The following CACNB3 variants were observed in gnomAD, a reference collection of about 807,000 sequenced individuals.
CACNB3 encodes voltage-dependent L-type calcium channel subunit beta-3.
Under a neutral mutation model 63.7 loss-of-function variants are expected in CACNB3, and 36 were observed. The ratio of observed to expected loss-of-function variants is 0.57; its 90% CI spans 0.43 to 0.75. The LOEUF is 0.75. Ranked by LOEUF, CACNB3 falls within the 30% of genes least tolerant of loss-of-function variation. The pLI is 0.00. For missense variants in CACNB3, 493 were observed against 648.6 expected, an observed-to-expected ratio of 0.76 and a Z score of 2.61; for synonymous variants, 241 against 250.6, an observed-to-expected ratio of 0.96 and a Z score of 0.36.
Position 48,825,123 on chromosome 12 carries a change from C to G in CACNB3, c.493-40C>G. 1 of 1,606,882 alleles carries G rather than the reference C, an allele frequency of 6.2e-7. No homozygotes were observed. The highest frequency in any genetic ancestry group is 1.3e-5 in the African/African-American group (1 of 74,870). On this transcript the variant is annotated intron_variant, in intron 6 of 12. Coordinates refer to ENST00000301050, the MANE Select transcript of CACNB3 (RefSeq NM_000725.4). This position sits in a 1 kb window ranked among gnomAD's most constrained non-coding sequence, Gnocchi z 4.5. ...CGCCAACCAGGCATGAGACAGGCAC[C>G]AGGGCCATGGTTTCTACTGACCTCA...
Position 48,828,153 on chromosome 12 carries a change from C to G in CACNB3, c.*254C>G. ...GCTGTGTGTTCTGCACCCCTGGCAC[C>G]TTCCTCTCCTCCCACACAGGAAGCT... On this transcript the variant is annotated 3_prime_UTR_variant, in exon 13 of 13. Coordinates refer to ENST00000301050, the MANE Select transcript of CACNB3 (RefSeq NM_000725.4). 1.8e-6 allele frequency: 1 copy of G among 551,500 alleles called. No individual in the cohort carries two copies. Among genetic ancestry groups the G allele is most frequent in the Non-Finnish European group, 3.3e-6 (1 of 305,904 alleles). 34.2% of individuals were successfully genotyped at this position (551,500 alleles called of 1,614,324 possible).
chr12:48,828,750 G>C lies in CACNB3; in HGVS notation c.*851G>C. Reference sequence around the variant, plus strand: ...GTCCCTCATACATCTTTGGAGAACCGGGCTCCAGACTTTGTTCCCTGACTC... The same window carrying C: ...GTCCCTCATACATCTTTGGAGAACCCGGCTCCAGACTTTGTTCCCTGACTC... On this transcript the variant is annotated 3_prime_UTR_variant, in exon 13 of 13. Transcript: ENST00000301050. The C allele has an allele frequency of 2.2e-6, 1 of 456,434 alleles. No homozygotes were observed. The highest frequency in any genetic ancestry group is 1.5e-5 in the South Asian group (1 of 64,564). The allele number at this position is 456,434 out of a possible 1,614,324, so 28.3% of individuals were successfully genotyped here. A position where few individuals can be genotyped will look rare whatever the true frequency, so the allele number is the denominator to read the frequency against.
chr12:48,822,093 C>G (rs558104994), intron 1 of CACNB3, among the ~76,000 whole-genome samples: 1 of 152,140 alleles, frequency 6.6e-6, no homozygotes, highest in Non-Finnish European at 1.5e-5. Context: ...GTTCCTCTAC[C>G]TGAGGACATT....
In CACNB3 at chr12:48,824,458, A is replaced by G; in HGVS notation, c.407+85A>G. 4 of 1,227,646 alleles carry G rather than the reference A, an allele frequency of 3.3e-6. No individual in the cohort carries two copies. In the East Asian group the frequency reaches 7.6e-5, roughly 23 times the overall value. The allele number at this position is 1,227,646 out of a possible 1,614,324, so 76.0% of individuals were successfully genotyped here. A position where few individuals can be genotyped will look rare whatever the true frequency, so the allele number is the denominator to read the frequency against. Reference sequence around the variant, plus strand: ...ACACGTCACCATGCATGCCATACACATGCATATCCCCCTGAAATACACATA... The same window carrying G: ...ACACGTCACCATGCATGCCATACACGTGCATATCCCCCTGAAATACACATA... On this transcript the variant is annotated intron_variant, in intron 4 of 12. Transcript: ENST00000301050.
rs761197059 is a variant in CACNB3 at position 48,823,433 on chromosome 12, G to C, written c.135G>C (p.Glu45Asp). The C allele has an allele frequency of 6.2e-7, 1 of 1,614,136 alleles. No individual in the cohort carries two copies. The highest frequency in any genetic ancestry group is 8.5e-7 in the Non-Finnish European group (1 of 1,180,004). ...EDRESARREV[E>D]SQAQQQLERA... The stretch of plus-strand genomic sequence containing the variant: ...GGGAGAGTGCCCGGCGTGAAGTAGA[G>C]AGCCAGGCTCAGCAGCAGCTCGAAA... Residue 45 changes from glutamate to aspartate, a missense_variant, in exon 2 of 13, where the codon GAG becomes GAC. Physicochemically the swap from Glu to Asp is conservative, Grantham distance 45. Coordinates refer to ENST00000301050, the MANE Select transcript of CACNB3 (RefSeq NM_000725.4). This position sits in a 1 kb window ranked among gnomAD's most constrained non-coding sequence, Gnocchi z 4.2.
chr12:48,824,862 G>C, intron 5 of CACNB3, 87 bp from the exon 6 acceptor site: 1 of 1,544,828 alleles, frequency 6.5e-7, no homozygotes, highest in Non-Finnish European at 8.9e-7. Flanking sequence ...GGAGAAGCCA[G>C]TATCTCCCCT....
In CACNB3 at chr12:48,818,673, C is replaced by T. The variant is rs1343424603; in HGVS notation, c.-257C>T. 1.7e-6 allele frequency: 2 copies of T among 1,187,950 alleles called. No individual in the cohort carries two copies. Among genetic ancestry groups the T allele is most frequent in the South Asian group, 2.9e-5 (1 of 34,984 alleles). The allele number at this position is 1,187,950 out of a possible 1,614,324, so 73.6% of individuals were successfully genotyped here. ...GGGCGGGCACTATTGTTGTAGGAGC[C>T]GGCGCCAGATTCCTCAGCCGCGCTC... On this transcript the variant is annotated 5_prime_UTR_variant, in exon 1 of 13. Transcript: ENST00000301050. The surrounding 1 kb of genome is among the most constrained non-coding windows in gnomAD (Gnocchi z 4.3).
At chr12:48,814,776 G>A, upstream of CACNB3, 1 of 436,664 alleles carries the variant, frequency 2.3e-6, no homozygotes, top group Non-Finnish European at 4.0e-6. This position sits in a 1 kb window ranked among gnomAD's most constrained non-coding sequence, Gnocchi z 6.9. Flanking sequence ...CCTGCTGGCA[G>A]GGCCGGACCC....
At position 48,828,640 on chromosome 12, in the gene CACNB3, AAGG is replaced by A; in HGVS notation, c.*745_*747del. The A allele has an allele frequency of 2.2e-6, 1 of 455,948 alleles. No homozygotes were observed. Among genetic ancestry groups the A allele is most frequent in the Non-Finnish European group, 4.4e-6 (1 of 226,570 alleles). The allele number at this position is 455,948 out of a possible 1,614,324, so 28.2% of individuals were successfully genotyped here. On this transcript the variant is annotated 3_prime_UTR_variant, in exon 13 of 13. Coordinates refer to ENST00000301050, the MANE Select transcript of CACNB3 (RefSeq NM_000725.4). The stretch of plus-strand genomic sequence containing the variant: ...AGCCAACCTGGATGGGGGTTTGGGG[AAGG>A]AGGGCATGTGTAGCAGAGAACTTAG...
chr12:48,814,828 AG>A, upstream of CACNB3: 1 of 372,642 alleles, frequency 2.7e-6, no homozygotes, highest in Non-Finnish European at 4.8e-6. The surrounding 1 kb of genome is among the most constrained non-coding windows in gnomAD (Gnocchi z 6.9). Context: ...CGCCACCTGG[AG>A]GGCGCGTGTA....
Position 48,825,401 on chromosome 12 carries a change from G to A in CACNB3, c.574-33G>A, listed in dbSNP as rs758311109. 9 of 1,612,088 alleles carry A rather than the reference G, an allele frequency of 5.6e-6. No individual in the cohort carries two copies. The highest frequency in any genetic ancestry group is 6.8e-6 in the Non-Finnish European group (8 of 1,178,260). The stretch of plus-strand genomic sequence containing the variant: ...CATGGGGAGGCTGCTTCTCTCCAAA[G>A]GGGCCCTTCATCAGTGCCATGCCTT... On this transcript the variant is annotated intron_variant, in intron 7 of 12. Coordinates refer to ENST00000301050, the MANE Select transcript of CACNB3 (RefSeq NM_000725.4). This position sits in a 1 kb window ranked among gnomAD's most constrained non-coding sequence, Gnocchi z 4.5.
Position 48,818,550 on chromosome 12 carries a change from C to T in CACNB3, c.-380C>T. On this transcript the variant is annotated 5_prime_UTR_variant, in exon 1 of 13. Transcript: ENST00000301050. This position sits in a 1 kb window ranked among gnomAD's most constrained non-coding sequence, Gnocchi z 4.3. ...AGGTGCTCGGGGACCCACCTTCCACCTAGCACGGGTTCGTTCCCCTCTCCC... is the reference window on the plus strand; with the variant it reads ...AGGTGCTCGGGGACCCACCTTCCACTTAGCACGGGTTCGTTCCCCTCTCCC... The T allele has an allele frequency of 9.6e-7, 1 of 1,046,996 alleles. No individual in the cohort carries two copies. Among genetic ancestry groups the T allele is most frequent in the Non-Finnish European group, 1.1e-6 (1 of 870,560 alleles). 64.9% of individuals were successfully genotyped at this position (1,046,996 alleles called of 1,614,324 possible).
Position 48,826,924 on chromosome 12 carries a change from G to T in CACNB3, c.991-50G>T. On this transcript the variant is annotated intron_variant, in intron 11 of 12. Coordinates refer to ENST00000301050, the MANE Select transcript of CACNB3 (RefSeq NM_000725.4). This position sits in a 1 kb window ranked among gnomAD's most constrained non-coding sequence, Gnocchi z 4.8. Reference sequence around the variant, plus strand: ...TGCGGCAGTGATAGAGATGGGTGGGGGGCTGCTACTGAGGGGAAACCAACG... The same window carrying T: ...TGCGGCAGTGATAGAGATGGGTGGGTGGCTGCTACTGAGGGGAAACCAACG... 6.2e-7 allele frequency: 1 copy of T among 1,613,344 alleles called. No individual in the cohort carries two copies.
In CACNB3 at chr12:48,818,610, C is replaced by T. The variant is rs1039639369; in HGVS notation, c.-320C>T. Reference sequence around the variant, plus strand: ...CGGGCTCCCCGGTGGCCGCCGCCCCCTCGCCGCCCCCGCCTTCTCCCGGGG... The same window carrying T: ...CGGGCTCCCCGGTGGCCGCCGCCCCTTCGCCGCCCCCGCCTTCTCCCGGGG... On this transcript the variant is annotated 5_prime_UTR_variant, in exon 1 of 13. Coordinates refer to ENST00000301050, the MANE Select transcript of CACNB3 (RefSeq NM_000725.4). The surrounding 1 kb of genome is among the most constrained non-coding windows in gnomAD (Gnocchi z 4.3). 3.6e-6 allele frequency: 4 copies of T among 1,104,640 alleles called. No homozygotes were observed. The Admixed American group carries it at 2.2e-4, about 60-fold the overall frequency. The allele number at this position is 1,104,640 out of a possible 1,614,324, so 68.4% of individuals were successfully genotyped here. A position where few individuals can be genotyped will look rare whatever the true frequency, so the allele number is the denominator to read the frequency against.
Position 48,825,189 on chromosome 12 carries a change from G to A in CACNB3, c.519G>A (p.Val173=). The change falls in exon 7 of 13, where the codon GTG becomes GTA. Residue 173 remains valine, a synonymous_variant. Coordinates refer to ENST00000301050, the MANE Select transcript of CACNB3 (RefSeq NM_000725.4). The surrounding 1 kb of genome is among the most constrained non-coding windows in gnomAD (Gnocchi z 4.5). ...CGGAACATGTTCCCCCATATGACGT[G>A]GTGCCCTCCATGCGGCCTGTGGTGC... ...KQAEHVPPYD[V]VPSMRPVVLV... 1 of 1,614,092 alleles carries A rather than the reference G, an allele frequency of 6.2e-7. No individual in the cohort carries two copies. Among genetic ancestry groups the A allele is most frequent in the Non-Finnish European group, 8.5e-7 (1 of 1,180,016 alleles).
Position 48,827,131 on chromosome 12 carries a change from T to A in CACNB3, c.1140+8T>A. ...GCCATCCCCGGACTTCAGGTAACCA[T>A]TTCCAGTGGGCAGAGATGCTCAAGC... On this transcript the variant is annotated splice_region_variant and intron_variant, in intron 12 of 12. Transcript: ENST00000301050. The A allele has an allele frequency of 6.2e-7, 1 of 1,611,862 alleles. No individual in the cohort carries two copies.
At position 48,825,069 on chromosome 12, in the gene CACNB3, G is replaced by C. The variant is rs1248515326; in HGVS notation, c.493-94G>C. ...TTGGAGGGCAGAACAGAGAGGGGAG[G>C]GAGCCCAGAACCTCTGGATCTGCCC... On this transcript the variant is annotated intron_variant, in intron 6 of 12. Transcript: ENST00000301050. This position sits in a 1 kb window ranked among gnomAD's most constrained non-coding sequence, Gnocchi z 4.5. The C allele has an allele frequency of 6.3e-7, 1 of 1,582,884 alleles. No individual in the cohort carries two copies. The highest frequency in any genetic ancestry group is 1.3e-5 in the African/African-American group (1 of 74,130).
chr12:48,818,560 T>G lies in CACNB3; in HGVS notation c.-370T>G. 1 of 1,049,472 alleles carries G rather than the reference T, an allele frequency of 9.5e-7. No homozygotes were observed. The highest frequency in any genetic ancestry group is 8.6e-5 in the East Asian group (1 of 11,628). 65.0% of individuals were successfully genotyped at this position (1,049,472 alleles called of 1,614,324 possible). On this transcript the variant is annotated 5_prime_UTR_variant, in exon 1 of 13. Transcript: ENST00000301050. The surrounding 1 kb of genome is among the most constrained non-coding windows in gnomAD (Gnocchi z 4.3). ...GGACCCACCTTCCACCTAGCACGGGTTCGTTCCCCTCTCCCGGCCTGGCCC... is the reference window on the plus strand; with the variant it reads ...GGACCCACCTTCCACCTAGCACGGGGTCGTTCCCCTCTCCCGGCCTGGCCC...
chr12:48,817,092 A>T, upstream of CACNB3: 1 of 773,838 alleles, frequency 1.3e-6, no homozygotes, highest in Non-Finnish European at 1.6e-6. Flanking sequence ...AGGAGAGGAG[A>T]CAGTCCCTTC....
Sources: allele counts gnomAD v4.1 joint callset (sites outside exome capture counted in the v4.1 genomes callset), GRCh38; gene constraint gnomAD v4.1.1; non-coding constraint Gnocchi (gnomAD v3.1); transcripts MANE v1.5; gene names NCBI Gene and HGNC (gene_info 2026-07-23, HGNC 2026-07-21).